Variants in MCF2L2 observed in about 807,000 individuals in gnomAD.
MCF2L2 encodes the protein probable guanine nucleotide exchange factor MCF2L2.
MCF2L2 carries 102 observed loss-of-function variants against 150.2 expected under a neutral mutation model. The observed-to-expected ratio is 0.68, with a 90% CI of 0.58 to 0.80. The LOEUF (loss-of-function observed/expected upper bound fraction) is 0.80, where lower values mean the gene tolerates loss of function less well. Ranked by LOEUF, MCF2L2 falls within the 30% of genes least tolerant of loss-of-function variation. MCF2L2 has a pLI of 0.00. For missense variants in MCF2L2, 1,256 were observed against 1,372.8 expected (o/e 0.91, Z 1.34); for synonymous variants, 465 against 491.3 (o/e 0.95, Z 0.71).
chr3:183,255,234 G>A (rs1284287648), intron 15 of MCF2L2, among the ~76,000 whole-genome samples: 1 of 152,212 alleles, frequency 6.6e-6, no homozygotes, highest in African/African-American at 2.4e-5. Context: ...GTTGTATTAA[G>A]TGGTGGCACC....
intron 7 of MCF2L2, among the ~76,000 whole-genome samples, chr3:183,317,489 G>T (rs1002111227): frequency 6.6e-6 from 1 of 152,114 alleles, no homozygotes; most frequent in African/African-American, 2.4e-5. Flanking sequence ...GTGCTTTTAC[G>T]AATCATTTAA....
chr3:183,382,721 T>A (rs1281163060), intron 2 of MCF2L2, among the ~76,000 whole-genome samples: 2 of 152,186 alleles, frequency 1.3e-5, no homozygotes, highest in African/African-American at 4.8e-5. Flanking sequence ...TAAAATAAAC[T>A]TTACTCCTCC....
chr3:183,228,412 T>G, intron 17 of MCF2L2, 46 bp from the exon 18 acceptor site: 2 of 1,341,772 alleles, frequency 1.5e-6, no homozygotes, highest in African/African-American at 1.4e-5. Flanking sequence ...GATTTTGACA[T>G]GTAGGTAATT....
intron 1 of MCF2L2, among the ~76,000 whole-genome samples, chr3:183,394,778 A>G (rs56355650): frequency 0.021 from 3,130 of 152,304 alleles, 116 homozygotes; most frequent in African/African-American, 0.071. Context: ...TTAAACAGCA[A>G]CAAAATATCT....
In MCF2L2 at chr3:183,269,691, A is replaced by G. The variant is rs11928043; in HGVS notation, c.1862+7181T>C. 7,224 of 965,380 alleles carry G rather than the reference A, an allele frequency of 7.5e-3. 277 individuals are homozygous for G. The African/African-American group carries it at 0.092, about 12-fold the overall frequency. 59.8% of individuals were successfully genotyped at this position (965,380 alleles called of 1,614,324 possible). ...AGAAGACTTCCATTTTTAATGACCA[A>G]CATGTATTAAGATGGACACCTACTC... On this transcript the variant is annotated intron_variant, in intron 15 of 29. Coordinates refer to ENST00000328913, the MANE Select transcript of MCF2L2 (RefSeq NM_015078.4).
At position 183,295,367 on chromosome 3, in the gene MCF2L2, A is replaced by G; in HGVS notation, c.1608T>C (p.Pro536=). The G allele has an allele frequency of 6.2e-7, 1 of 1,613,796 alleles. No homozygotes were observed. The highest frequency in any genetic ancestry group is 8.5e-7 in the Non-Finnish European group (1 of 1,179,854). The change falls in exon 13 of 30, where the codon CCT becomes CCC. Residue 536 remains proline, a synonymous_variant. Transcript: ENST00000328913. ...LAAKQTRPVQ[P]VAPHPESSPK... is the part of the protein sequence containing the mutation. ...GTGAAGACTCAGGATGTGGGGCCAC[A>G]GGTTGCACTGGACGAGTCTGTTTGG... is the stretch of plus-strand genomic sequence containing the variant.
intron 10 of MCF2L2, among the ~76,000 whole-genome samples, chr3:183,306,284 A>G (rs867872978): frequency 2.8e-4 from 42 of 152,184 alleles, no homozygotes; most frequent in African/African-American, 9.9e-4. Flanking sequence ...TTATTTTTTT[A>G]GTTTATATAC....
intron 12 of MCF2L2, chr3:183,296,493 G>C (rs536280174): frequency 6.3e-6 from 1 of 157,868 alleles, no homozygotes; most frequent in Admixed American, 6.0e-5. Flanking sequence ...TTGTCTATTC[G>C]TTCTCCAGGC....
chr3:183,354,991 T>C (rs1711671428), intron 3 of MCF2L2, among the ~76,000 whole-genome samples: 1 of 151,990 alleles, frequency 6.6e-6, no homozygotes, highest in Admixed American at 6.6e-5. Context: ...GTCTTTGTAC[T>C]GTGTGAAGTG....
At chr3:183,223,259 C>T (rs930432562) in intron 20 of MCF2L2, 87 bp downstream of exon 20, 2 of 969,162 alleles carry the variant, frequency 2.1e-6, no homozygotes, top group Non-Finnish European at 3.3e-6. Flanking sequence ...AAGACCAAGG[C>T]ACAGCTCTAC....
rs755178461 is a variant in MCF2L2 at position 183,389,775 on chromosome 3, T to G, written c.81A>C (p.Glu27Asp). 6.2e-7 allele frequency: 1 copy of G among 1,613,054 alleles called. No homozygotes were observed. The highest frequency in any genetic ancestry group is 8.5e-7 in the Non-Finnish European group (1 of 1,179,004). The change falls in exon 2 of 30, where the codon GAA becomes GAC. Residue 27 changes from glutamate to aspartate, a missense_variant. Transcript: ENST00000328913. ...RLATVITHVD[E>D]IMQQEVRPLM... ...GGGGTCTGACTTCCTGCTGCATAAT[T>G]TCATCTGCACAAATGAAATACAAAG...
At chr3:183,262,464 T>C (rs1725700225) in intron 15 of MCF2L2, among the ~76,000 whole-genome samples, 1 of 152,284 alleles carries the variant, frequency 6.6e-6, no homozygotes, top group Non-Finnish European at 1.5e-5. Context: ...CTTTGATTTT[T>C]TAAAAATATT....
intron 21 of MCF2L2, among the ~76,000 whole-genome samples, chr3:183,217,121 C>T (rs1389625453): frequency 1.1e-4 from 16 of 150,834 alleles, no homozygotes; most frequent in Admixed American, 1.1e-3. Flanking sequence ...TGGTGAAACC[C>T]CGTCTCTACT....
At chr3:183,272,983 T>G in intron 15 of MCF2L2, 2 of 1,473,588 alleles carry the variant, frequency 1.4e-6, no homozygotes, top group Non-Finnish European at 1.8e-6. Context: ...CAAGGAAATA[T>G]GAAGGCACTT....
chr3:183,420,449 T>G (rs1487748423), intron 1 of MCF2L2, among the ~76,000 whole-genome samples: 1 of 152,062 alleles, frequency 6.6e-6, no homozygotes, highest in Non-Finnish European at 1.5e-5. Flanking sequence ...AATACAAAAA[T>G]TAGCCGGGCG....
intron 15 of MCF2L2, among the ~76,000 whole-genome samples, chr3:183,234,563 A>C (rs9877473): frequency 0.33 from 49,776 of 151,898 alleles, 8,457 homozygotes; most frequent in African/African-American, 0.41. Flanking sequence ...AATATTCATT[A>C]AATACATTCA....
intron 3 of MCF2L2, among the ~76,000 whole-genome samples, chr3:183,349,790 C>T (rs9862092): frequency 0.3 from 46,187 of 152,082 alleles, 9,153 homozygotes; most frequent in African/African-American, 0.56. Flanking sequence ...CCCTATTCCA[C>T]TGCTCCCCTT....
intron 15 of MCF2L2, among the ~76,000 whole-genome samples, chr3:183,243,735 G>C (rs1448181505): frequency 6.6e-6 from 1 of 152,152 alleles, no homozygotes; most frequent in African/African-American, 2.4e-5. Flanking sequence ...CATTTCTTTT[G>C]CATAAGTGTT....
intron 5 of MCF2L2, among the ~76,000 whole-genome samples, chr3:183,336,776 C>A (rs897228772): frequency 6.6e-6 from 1 of 151,682 alleles, no homozygotes; most frequent in Non-Finnish European, 1.5e-5. Flanking sequence ...ATTGCTTGAA[C>A]CTGTGTGGGG....
Sources: allele counts gnomAD v4.1 joint callset (sites outside exome capture counted in the v4.1 genomes callset), GRCh38; gene constraint gnomAD v4.1.1; transcripts MANE v1.5; gene names NCBI Gene and HGNC (gene_info 2026-07-23, HGNC 2026-07-21).